Variants in ROBO1 observed in about 807,000 individuals in gnomAD.
ROBO1 encodes roundabout guidance receptor 1, also known as roundabout homolog 1.
A neutral mutation model predicts 195.9 loss-of-function variants in ROBO1; 149 were observed. The ratio of observed to expected loss-of-function variants is 0.76; its 90% CI spans 0.67 to 0.87. ROBO1 has a LOEUF of 0.87. Among genes scored for constraint, ROBO1 ranks in the 40% least tolerant of loss-of-function variants. ROBO1 has a pLI of 0.00. For missense variants in ROBO1, 1,933 were observed against 2,068.3 expected, an observed-to-expected ratio of 0.93 and a Z score of 1.27; for synonymous variants, 816 against 733.2, an observed-to-expected ratio of 1.11 and a Z score of -1.82.
intron 2 of ROBO1, among the ~76,000 whole-genome samples, chr3:79,505,769 T>C (rs1023578702): frequency 6.6e-6 from 1 of 152,168 alleles, no homozygotes. Flanking sequence ...AGGTAGACTG[T>C]TGCAAGCAAT....
chr3:78,823,524 C>T (rs181283790), intron 4 of ROBO1, among the ~76,000 whole-genome samples: 11 of 152,228 alleles, frequency 7.2e-5, no homozygotes, highest in African/African-American at 2.4e-4. Flanking sequence ...TTTTAAGGAT[C>T]GTCCATATAT....
chr3:78,833,694 A>G (rs535577937), intron 4 of ROBO1, among the ~76,000 whole-genome samples: 8 of 152,260 alleles, frequency 5.3e-5, no homozygotes, highest in Non-Finnish European at 8.8e-5. Flanking sequence ...CCTTCAATTA[A>G]TGTTCCATAC....
chr3:79,370,640 T>C (rs1341347380), intron 2 of ROBO1, among the ~76,000 whole-genome samples: 1 of 151,154 alleles, frequency 6.6e-6, no homozygotes, highest in Non-Finnish European at 1.5e-5. Context: ...GTAAGTTATA[T>C]ATATATATAA....
chr3:79,300,625 C>A (rs1439542830), intron 2 of ROBO1, among the ~76,000 whole-genome samples: 1 of 152,212 alleles, frequency 6.6e-6, no homozygotes, highest in African/African-American at 2.4e-5. Context: ...GTGGGACTGG[C>A]AGGCAGCTCC....
chr3:78,955,235 AAACTGTGTGTCATGGGGGTTATACAG>A (rs1410467164), intron 3 of ROBO1, among the ~76,000 whole-genome samples: 3 of 151,520 alleles, frequency 2.0e-5, no homozygotes, highest in African/African-American at 7.3e-5. Context: ...TTATACAGGT[AAACTGTGTGTCATGGGGGTTATACAG>A]GTAAACTGTG....
At position 78,606,954 on chromosome 3, in the gene ROBO1, A is replaced by C; in HGVS notation, c.4523T>G (p.Val1508Gly). 1 of 1,613,736 alleles carries C rather than the reference A, an allele frequency of 6.2e-7. No individual in the cohort carries two copies. The highest frequency in any genetic ancestry group is 2.2e-5 in the East Asian group (1 of 44,876). The part of the protein sequence containing the change: ...KTQLEVRPVV[V>G]PKLPSMDART... ...TGCATCCATAGAAGGGAGTTTTGGC[A>C]CCACTACAGGTCGTACTTCCAGCTG... The change falls in exon 29 of 31, where the codon GTG (valine) becomes GGG (glycine). Residue 1508 changes from valine to glycine, a missense_variant. By Grantham distance (109) the Val-to-Gly change is moderately radical (BLOSUM62 -3). Coordinates refer to ENST00000464233, the MANE Select transcript of ROBO1 (RefSeq NM_002941.4).
intron 2 of ROBO1, among the ~76,000 whole-genome samples, chr3:79,458,185 G>A (rs1001978326): frequency 2.6e-5 from 4 of 152,070 alleles, no homozygotes; most frequent in Admixed American, 6.5e-5. Flanking sequence ...CAGTCAAAGC[G>A]GCATAATAAA....
At chr3:78,948,066 G>A (rs536851015) in intron 3 of ROBO1, among the ~76,000 whole-genome samples, 9 of 152,182 alleles carry the variant, frequency 5.9e-5, no homozygotes, top group Admixed American at 2.6e-4. Context: ...AGGACCAGAT[G>A]GATTCACAGT....
chr3:79,489,651 C>CAAAAAAAA (rs11328226), intron 2 of ROBO1, among the ~76,000 whole-genome samples: 5 of 88,806 alleles, frequency 5.6e-5, no homozygotes, highest in Non-Finnish European at 7.2e-5. Flanking sequence ...GACTTCATCT[C>CAAAAAAAA]AAAAAAAAAA....
intron 3 of ROBO1, among the ~76,000 whole-genome samples, chr3:79,019,667 A>G (rs2078056994): frequency 6.6e-6 from 1 of 152,096 alleles, no homozygotes; most frequent in South Asian, 2.1e-4. Flanking sequence ...ATTGCTCGGA[A>G]TCGGAAATCC....
At chr3:79,427,618 GA>G (rs2106992478) in intron 2 of ROBO1, among the ~76,000 whole-genome samples, 1 of 152,230 alleles carries the variant, frequency 6.6e-6, no homozygotes, top group East Asian at 1.9e-4. Flanking sequence ...ACAGAATAGA[GA>G]ACCCTGAAAT....
intron 3 of ROBO1, among the ~76,000 whole-genome samples, chr3:79,042,585 A>G (rs1196029519): frequency 1.3e-5 from 2 of 152,160 alleles, no homozygotes; most frequent in African/African-American, 4.8e-5. Flanking sequence ...TGAATCTAAC[A>G]GATGATATCA....
intron 5 of ROBO1, among the ~76,000 whole-genome samples, chr3:78,741,153 T>C (rs116107968): frequency 0.016 from 2,441 of 152,274 alleles, 29 homozygotes; most frequent in Middle Eastern, 0.051. Flanking sequence ...ATGCTTGTAA[T>C]AGTCAATTAA....
chr3:79,454,223 C>T (rs918569565), intron 2 of ROBO1, among the ~76,000 whole-genome samples: 1 of 147,048 alleles, frequency 6.8e-6, no homozygotes, highest in African/African-American at 2.5e-5. Flanking sequence ...GAAATGATTT[C>T]ATTACATGAA....
chr3:79,349,055 T>G (rs2109256767), intron 2 of ROBO1, among the ~76,000 whole-genome samples: 1 of 152,262 alleles, frequency 6.6e-6, no homozygotes, highest in Non-Finnish European at 1.5e-5. Context: ...GTTCATAGGG[T>G]TTTGTACTGT....
intron 4 of ROBO1, among the ~76,000 whole-genome samples, chr3:78,860,006 G>T (rs185169155): frequency 6.6e-6 from 1 of 151,972 alleles, no homozygotes; most frequent in Admixed American, 6.5e-5. Flanking sequence ...ATGAACCCAG[G>T]AGGCGGAGCT....
intron 4 of ROBO1, among the ~76,000 whole-genome samples, chr3:78,838,601 G>A (rs569751537): frequency 2.6e-5 from 4 of 152,092 alleles, no homozygotes; most frequent in Admixed American, 6.6e-5. Flanking sequence ...GATTGGGGAC[G>A]TGCCAGGTTC....
intron 4 of ROBO1, among the ~76,000 whole-genome samples, chr3:78,901,328 A>G (rs1260339277): frequency 6.6e-6 from 1 of 152,220 alleles, no homozygotes; most frequent in African/African-American, 2.4e-5. Context: ...CATTCAGGCA[A>G]CAAAAATAAT....
intron 3 of ROBO1, among the ~76,000 whole-genome samples, chr3:78,944,179 A>G (rs2040290395): frequency 6.6e-6 from 1 of 152,226 alleles, no homozygotes; most frequent in African/African-American, 2.4e-5. Flanking sequence ...CTGGAATTCA[A>G]TCACAGTCAG....
Sources: allele counts gnomAD v4.1 joint callset (sites outside exome capture counted in the v4.1 genomes callset), GRCh38; gene constraint gnomAD v4.1.1; transcripts MANE v1.5; gene names NCBI Gene and HGNC (gene_info 2026-07-23, HGNC 2026-07-21).